FAM110B: variants seen among roughly 807,000 people sequenced by gnomAD.
The protein encoded by FAM110B is family with sequence similarity 110 member B.
A neutral mutation model predicts 20.4 loss-of-function variants in FAM110B; 6 were observed. The observed-to-expected ratio is 0.29, with a 90% confidence interval of 0.16 to 0.58. The LOEUF (loss-of-function observed/expected upper bound fraction) is 0.58, where lower values mean the gene tolerates loss of function less well. FAM110B is among the 20% of genes least tolerant of loss of function. The probability of loss-of-function intolerance (pLI) is 0.90; values close to 1 mark genes in which losing one functional copy is unlikely to be tolerated. For synonymous variants in FAM110B, 226 were observed against 214.1 expected, an observed-to-expected ratio of 1.06 and a Z score of -0.49; for missense variants, 434 against 498.2, an observed-to-expected ratio of 0.87 and a Z score of 1.23.
intron 3 of FAM110B, among the ~76,000 whole-genome samples, chr8:58,118,850 T>C (rs1451880957): frequency 6.6e-6 from 1 of 152,230 alleles, no homozygotes; most frequent in Non-Finnish European, 1.5e-5. Flanking sequence ...GTCCTCATAA[T>C]GATAAGTTTA....
chr8:58,043,281 T>A (rs1805256036), intron 2 of FAM110B: 1 of 151,920 alleles, frequency 6.6e-6, no homozygotes, highest in Non-Finnish European at 1.5e-5. Context: ...GACGGCCACA[T>A]CAATAGTGGT....
intron 2 of FAM110B, among the ~76,000 whole-genome samples, chr8:58,036,146 G>A (rs773454422): frequency 1.3e-5 from 2 of 152,176 alleles, no homozygotes; most frequent in African/African-American, 2.4e-5. Context: ...ATGGTGCCAC[G>A]TCTCTCATGC....
chr8:58,093,831 C>T (rs557547964), intron 3 of FAM110B, among the ~76,000 whole-genome samples: 31 of 151,998 alleles, frequency 2.0e-4, no homozygotes, highest in African/African-American at 9.7e-5. Context: ...CTATAAGTTA[C>T]TTTGGGCTGT....
At chr8:58,119,758 AAG>A (rs2150626014) in intron 3 of FAM110B, among the ~76,000 whole-genome samples, 1 of 152,304 alleles carries the variant, frequency 6.6e-6, no homozygotes, top group African/African-American at 2.4e-5. Context: ...GGCCTGTGGA[AAG>A]AGAGTATATG....
Position 58,146,646 on chromosome 8 carries a change from A to G in FAM110B, c.416A>G (p.His139Arg), listed in dbSNP as rs1404239137. The change falls in exon 4 of 4, where the codon CAC (histidine) becomes CGC (arginine). Residue 139 changes from histidine to arginine, a missense_variant. By Grantham distance (29) the His-to-Arg change is conservative. Transcript: ENST00000519262. ...EGSSSGSGHK[H>R]SSRNWPPHRS... Reference sequence around the variant, plus strand: ...TCTAGCTCGGGCTCGGGGCACAAGCACAGCTCCCGCAACTGGCCGCCCCAC... The same window carrying G: ...TCTAGCTCGGGCTCGGGGCACAAGCGCAGCTCCCGCAACTGGCCGCCCCAC... 4 of 1,613,438 alleles carry G rather than the reference A, an allele frequency of 2.5e-6. No homozygotes were observed. The highest frequency in any genetic ancestry group is 1.1e-5 in the South Asian group (1 of 91,020).
chr8:58,071,726 G>C (rs1199147046), intron 2 of FAM110B, among the ~76,000 whole-genome samples: 1 of 151,918 alleles, frequency 6.6e-6, no homozygotes, highest in Non-Finnish European at 1.5e-5. Context: ...ATGAAAGCTT[G>C]CCATGAATTG....
At chr8:58,033,928 T>A (rs1489670246) in intron 2 of FAM110B, among the ~76,000 whole-genome samples, 15 of 152,138 alleles carry the variant, frequency 9.9e-5, no homozygotes, top group Admixed American at 9.8e-4. Flanking sequence ...ACCCTCCTAC[T>A]ACCTTTCCCT....
rs191940292 is a variant in FAM110B at position 58,146,607 on chromosome 8, A to G, written c.377A>G (p.Asn126Ser). The change falls in exon 4 of 4, where the codon AAT (asparagine) becomes AGT (serine). Residue 126 changes from asparagine (N) to serine (S), a missense_variant. This residue lies in a region of FAM110B where 284 missense variants were observed against 278.3 expected (regional missense o/e 1.02). Transcript: ENST00000519262. ...LKLEILKNII[N>S]SSEGSSSGSG... is the part of the protein sequence containing the mutation. ...CTGGAGATCCTGAAGAACATCATCA[A>G]TAGCTCCGAGGGCTCTAGCTCGGGC... 4.1e-4 allele frequency: 663 copies of G among 1,614,036 alleles called. 6 individuals are homozygous for G. The highest frequency in any genetic ancestry group is 1.3e-4 in the Non-Finnish European group (155 of 1,179,962).
intron 3 of FAM110B, among the ~76,000 whole-genome samples, chr8:58,104,962 G>GAA (rs374878667): frequency 0.023 from 2,944 of 126,036 alleles, 56 homozygotes; most frequent in South Asian, 0.11. Flanking sequence ...TTCTTTAAAG[G>GAA]AAAAAAAAAA....
chr8:58,097,135 G>T (rs1585883388), intron 3 of FAM110B, among the ~76,000 whole-genome samples: 1 of 152,286 alleles, frequency 6.6e-6, no homozygotes, highest in South Asian at 2.1e-4. Flanking sequence ...CCCTAAGAGT[G>T]TTTTCCAACT....
chr8:58,035,233 T>C (rs1585829446), intron 2 of FAM110B, among the ~76,000 whole-genome samples: 1 of 152,246 alleles, frequency 6.6e-6, no homozygotes, highest in Admixed American at 6.5e-5. Flanking sequence ...ATGGGAAGTA[T>C]ACTGGAAAAT....
At chr8:58,013,582 G>A (rs1804581004) in intron 1 of FAM110B, among the ~76,000 whole-genome samples, 1 of 152,172 alleles carries the variant, frequency 6.6e-6, no homozygotes, top group Admixed American at 6.5e-5. Context: ...AGGATGGGCT[G>A]CCAAATAAAG....
rs181017459 is a variant in FAM110B, at chr8:58,069,386, G to A, written c.-413-6149G>A. ...TCATTGTCTTAGACACAGAAATGCA[G>A]TTACTTGCCCAGGGTCACAGCGCTA... On this transcript the variant is annotated intron_variant, in intron 2 of 3. Coordinates refer to ENST00000519262, the MANE Select transcript of FAM110B (RefSeq NM_001377989.1). Among the ~76,000 whole-genome samples the A allele has an allele frequency of 2.0e-5, 3 of 152,296 alleles. No homozygotes were observed. The East Asian group carries it at 5.8e-4, about 29-fold the overall frequency.
At chr8:58,028,534 A>T (rs1028853361) in intron 1 of FAM110B, among the ~76,000 whole-genome samples, 1 of 152,210 alleles carries the variant, frequency 6.6e-6, no homozygotes, top group Admixed American at 6.5e-5. Flanking sequence ...TTTACTTGGC[A>T]TCTCTATTTT....
intron 1 of FAM110B, among the ~76,000 whole-genome samples, chr8:58,027,281 C>CT (rs1563501031): frequency 1.3e-5 from 2 of 152,098 alleles, no homozygotes; most frequent in South Asian, 2.1e-4. Context: ...ATTGGTTTTT[C>CT]TTTTTTGTGG....
chr8:58,004,871 C>T (rs759542105), intron 1 of FAM110B, among the ~76,000 whole-genome samples: 7 of 152,306 alleles, frequency 4.6e-5, no homozygotes, highest in Non-Finnish European at 7.4e-5. Context: ...CCTTGACTTA[C>T]GGGAATATTG....
rs1010109114 is a variant in FAM110B at position 58,148,575 on chromosome 8, T to C, written c.*1232T>C. The stretch of plus-strand genomic sequence containing the variant: ...AGCTGTCACTCAGCTGACACCATGA[T>C]GTGGCAGCAGAGAGGGAAACCTACA... On this transcript the variant is annotated 3_prime_UTR_variant, in exon 4 of 4. Coordinates refer to ENST00000519262, the MANE Select transcript of FAM110B (RefSeq NM_001377989.1). The C allele has an allele frequency of 4.2e-4, 71 of 167,116 alleles. No homozygotes were observed. The highest frequency in any genetic ancestry group is 1.6e-3 in the African/African-American group (68 of 41,460). 10.4% of individuals were successfully genotyped at this position (167,116 alleles called of 1,614,324 possible).
At chr8:58,124,276 T>C (rs1807437270) in intron 3 of FAM110B, among the ~76,000 whole-genome samples, 1 of 152,232 alleles carries the variant, frequency 6.6e-6, no homozygotes, top group South Asian at 2.1e-4. Context: ...GAGGGAGCTC[T>C]TCACGTCCCT....
At chr8:58,084,648 A>G (rs1350276134) in intron 3 of FAM110B, among the ~76,000 whole-genome samples, 1 of 152,144 alleles carries the variant, frequency 6.6e-6, no homozygotes, top group Admixed American at 6.5e-5. Flanking sequence ...TCAGGCGCTC[A>G]AAGTGCTGGG....
Sources: gnomAD v4.1 joint callset for allele counts (sites outside exome capture counted in the v4.1 genomes callset) on GRCh38, gnomAD v4.1.1 for gene constraint, gnomAD v4.1.1 regional missense constraint, MANE v1.5 for transcripts, NCBI Gene and HGNC (gene_info 2026-07-23, HGNC 2026-07-21) for gene names.